HS6ST3: variants seen among roughly 807,000 people sequenced by gnomAD.
HS6ST3 encodes heparan sulfate 6-O-sulfotransferase 3.
HS6ST3 carries 12 observed loss-of-function variants against 36.7 expected under a neutral mutation model. The observed-to-expected ratio is 0.33, with a 90% confidence interval of 0.21 to 0.53. HS6ST3 has a LOEUF of 0.53. HS6ST3 is among the 20% of genes least tolerant of loss of function. The pLI, the probability that HS6ST3 is intolerant of heterozygous loss-of-function variation, is 0.95. For missense variants in HS6ST3, 584 were observed against 640.9 expected, an observed-to-expected ratio of 0.91 and a Z score of 0.96; for synonymous variants, 240 against 257.5, an observed-to-expected ratio of 0.93 and a Z score of 0.65.
chr13:96,183,265 C>A (rs956498159), intron 1 of HS6ST3, among the ~76,000 whole-genome samples: 1 of 151,982 alleles, frequency 6.6e-6, no homozygotes, highest in Non-Finnish European at 1.5e-5. Context: ...AAGAGGTATA[C>A]CTTCATGTTT....
intron 1 of HS6ST3, among the ~76,000 whole-genome samples, chr13:96,668,750 G>A (rs373667263): frequency 3.4e-5 from 3 of 89,186 alleles, no homozygotes; most frequent in African/African-American, 1.4e-4. Flanking sequence ...TTGTTGTTAT[G>A]CACATTCAAC....
At chr13:96,751,549 G>C (rs1219117846) in intron 1 of HS6ST3, among the ~76,000 whole-genome samples, 1 of 152,140 alleles carries the variant, frequency 6.6e-6, no homozygotes, top group Non-Finnish European at 1.5e-5. Flanking sequence ...AAGCCACCAA[G>C]TTTGCAGTAA....
chr13:96,292,820 A>G (rs1006600680), intron 1 of HS6ST3, among the ~76,000 whole-genome samples: 1 of 152,148 alleles, frequency 6.6e-6, no homozygotes, highest in African/African-American at 2.4e-5. Flanking sequence ...GTTTTATTCC[A>G]TTTCAAACAA....
At chr13:96,823,503 T>C (rs974490913) in intron 1 of HS6ST3, among the ~76,000 whole-genome samples, 5 of 152,218 alleles carry the variant, frequency 3.3e-5, no homozygotes, top group African/African-American at 1.2e-4. Flanking sequence ...GTTATAAATA[T>C]GTTGTGCATT....
At chr13:96,584,927 T>C (rs74107934) in intron 1 of HS6ST3, among the ~76,000 whole-genome samples, 4,553 of 152,146 alleles carry the variant, frequency 0.03, 231 homozygotes, top group African/African-American at 0.1. Flanking sequence ...GCACAGACCA[T>C]ATGGAGGGGA....
intron 1 of HS6ST3, among the ~76,000 whole-genome samples, chr13:96,796,688 C>G (rs1269542461): frequency 6.6e-6 from 1 of 152,018 alleles, no homozygotes; most frequent in Non-Finnish European, 1.5e-5. Context: ...TAGCAGCTTG[C>G]AGGTTTATTG....
chr13:96,470,066 T>C (rs927014918), intron 1 of HS6ST3, among the ~76,000 whole-genome samples: 1 of 152,150 alleles, frequency 6.6e-6, no homozygotes, highest in Non-Finnish European at 1.5e-5. Flanking sequence ...CCTTGGAAAA[T>C]GAGAGTTGTA....
chr13:96,636,476 C>T (rs1389212916), intron 1 of HS6ST3, among the ~76,000 whole-genome samples: 3 of 152,092 alleles, frequency 2.0e-5, no homozygotes, highest in African/African-American at 7.2e-5. Context: ...GGCTGTAGCT[C>T]TGACTATAGA....
intron 1 of HS6ST3, among the ~76,000 whole-genome samples, chr13:96,396,040 A>G (rs1213076132): frequency 6.6e-6 from 1 of 152,186 alleles, no homozygotes; most frequent in Non-Finnish European, 1.5e-5. Context: ...CTGGCTGGGC[A>G]CAGTGGCTCA....
chr13:96,468,206 T>G (rs1248602529), intron 1 of HS6ST3, among the ~76,000 whole-genome samples: 1 of 152,164 alleles, frequency 6.6e-6, no homozygotes, highest in African/African-American at 2.4e-5. Flanking sequence ...CTTTAAGCCT[T>G]AAGTTTAAGA....
chr13:96,137,314 A>G (rs1441482485), intron 1 of HS6ST3, among the ~76,000 whole-genome samples: 1 of 152,006 alleles, frequency 6.6e-6, no homozygotes, highest in African/African-American at 2.4e-5. Flanking sequence ...CTCATCATCT[A>G]TGTTATTGCA....
At chr13:96,243,636 G>T (rs1218815199) in intron 1 of HS6ST3, among the ~76,000 whole-genome samples, 4 of 152,072 alleles carry the variant, frequency 2.6e-5, no homozygotes, top group Non-Finnish European at 5.9e-5. Flanking sequence ...CTGGGGGTGG[G>T]ACTGAGGTGG....
At chr13:96,638,684 C>A (rs972559539) in intron 1 of HS6ST3, among the ~76,000 whole-genome samples, 26 of 151,976 alleles carry the variant, frequency 1.7e-4, no homozygotes, top group South Asian at 8.3e-4. Flanking sequence ...CTTCCCCTTC[C>A]ACCATGATTG....
Position 96,834,215 on chromosome 13 carries a change from A to G in HS6ST3, c.*1017A>G, listed in dbSNP as rs1878873123. 1 of 152,206 alleles carries G rather than the reference A, an allele frequency of 6.6e-6. No homozygotes were observed. The highest frequency in any genetic ancestry group is 1.5e-5 in the Non-Finnish European group (1 of 68,036). 9.4% of individuals were successfully genotyped at this position (152,206 alleles called of 1,614,324 possible). A position where few individuals can be genotyped will look rare whatever the true frequency, so the allele number is the denominator to read the frequency against. On this transcript the variant is annotated 3_prime_UTR_variant, in exon 2 of 2. Transcript: ENST00000376705. Reference sequence around the variant, plus strand: ...AGATGTTTTTAAAAGCTTGGCCCAAAGAATAGGAACTTAGCTAGCATGTAT... The same window carrying G: ...AGATGTTTTTAAAAGCTTGGCCCAAGGAATAGGAACTTAGCTAGCATGTAT...
intron 1 of HS6ST3, among the ~76,000 whole-genome samples, chr13:96,577,015 T>C (rs184453767): frequency 3.9e-4 from 60 of 151,964 alleles, no homozygotes; most frequent in Admixed American, 1.4e-3. Flanking sequence ...TATTTTTTCT[T>C]TTATTTGTTT....
intron 1 of HS6ST3, among the ~76,000 whole-genome samples, chr13:96,456,294 TC>T (rs2055754363): frequency 6.6e-6 from 1 of 152,164 alleles, no homozygotes; most frequent in South Asian, 2.1e-4. Context: ...TTGTGAGAAA[TC>T]ATTTCTGCTG....
At chr13:96,528,140 A>T (rs1446738912) in intron 1 of HS6ST3, among the ~76,000 whole-genome samples, 1 of 152,194 alleles carries the variant, frequency 6.6e-6, no homozygotes, top group African/African-American at 2.4e-5. Flanking sequence ...GTACATGCTA[A>T]ATACTTCTGC....
chr13:96,447,621 C>T (rs2011405), intron 1 of HS6ST3, among the ~76,000 whole-genome samples: 103,951 of 151,958 alleles, frequency 0.68, 37,349 homozygotes, highest in African/African-American at 0.91. Flanking sequence ...CCCACATATC[C>T]CCACGTGTGT....
At chr13:96,446,390 T>A (rs906479406) in intron 1 of HS6ST3, among the ~76,000 whole-genome samples, 5 of 152,164 alleles carry the variant, frequency 3.3e-5, no homozygotes, top group African/African-American at 1.2e-4. Context: ...AGTAACACCT[T>A]CATGTATGCA....
Sources: allele counts gnomAD v4.1 joint callset (sites outside exome capture counted in the v4.1 genomes callset), GRCh38; gene constraint gnomAD v4.1.1; transcripts MANE v1.5; gene names NCBI Gene and HGNC (gene_info 2026-07-23, HGNC 2026-07-21).